GABRB1: variants seen among roughly 807,000 people sequenced by gnomAD.
The protein encoded by GABRB1 is gamma-aminobutyric acid receptor subunit beta-1.
Under a neutral mutation model 51.6 loss-of-function variants are expected in GABRB1, and 17 were observed. The observed-to-expected ratio is 0.33, with a 90% confidence interval of 0.23 to 0.49. The LOEUF (loss-of-function observed/expected upper bound fraction) is 0.49. GABRB1 is among the 20% of genes least tolerant of loss of function. The pLI is 0.99. For synonymous variants in GABRB1, 247 were observed against 218.9 expected (o/e 1.13, Z -1.14); for missense variants, 410 against 600.6 (o/e 0.68, Z 3.32).
At chr4:47,305,063 C>T (rs568111039) in intron 4 of GABRB1, among the ~76,000 whole-genome samples, 3 of 152,134 alleles carry the variant, frequency 2.0e-5, no homozygotes, top group East Asian at 1.9e-4. Context: ...TTTTGTACTT[C>T]GAGGCCCTAA....
At chr4:47,246,953 T>C (rs111270809) in intron 4 of GABRB1, among the ~76,000 whole-genome samples, 1,959 of 152,230 alleles carry the variant, frequency 0.013, 38 homozygotes, top group African/African-American at 0.045. Flanking sequence ...ATTGTGAAGA[T>C]TTTCTCCCAC....
intron 4 of GABRB1, among the ~76,000 whole-genome samples, chr4:47,252,874 T>A (rs942442385): frequency 8.5e-5 from 13 of 152,264 alleles, no homozygotes; most frequent in Admixed American, 5.9e-4. Flanking sequence ...TCTATTAAGA[T>A]AAAAATGAGA....
intron 4 of GABRB1, among the ~76,000 whole-genome samples, chr4:47,211,137 T>G (rs1300436578): frequency 1.3e-5 from 2 of 152,172 alleles, no homozygotes; most frequent in Non-Finnish European, 2.9e-5. Flanking sequence ...ACTTGCCTTT[T>G]TATATTTTTT....
intron 5 of GABRB1, among the ~76,000 whole-genome samples, chr4:47,339,140 T>A (rs1050663857): frequency 2.6e-5 from 4 of 151,978 alleles, no homozygotes; most frequent in African/African-American, 7.3e-5. Flanking sequence ...TATAAAATAA[T>A]CAAAACAGTA....
chr4:47,128,720 A>T (rs1577933978), intron 3 of GABRB1, among the ~76,000 whole-genome samples: 1 of 152,036 alleles, frequency 6.6e-6, no homozygotes, highest in Non-Finnish European at 1.5e-5. Context: ...AACATAACTA[A>T]AGGTGGGACA....
intron 3 of GABRB1, chr4:47,032,899 A>T (rs369230369): frequency 1.1e-5 from 4 of 367,830 alleles, no homozygotes; most frequent in South Asian, 6.0e-5. Context: ...GGCAATCCCC[A>T]TGGCCCTCGC....
rs143749971 is a variant in GABRB1 at position 47,037,024 on chromosome 4, A to G, written c.240+4540A>G. Among the ~76,000 whole-genome samples, 428 of 152,314 alleles carry G rather than the reference A, an allele frequency of 2.8e-3. 5 individuals are homozygous for G. The highest frequency in any genetic ancestry group is 9.6e-3 in the African/African-American group (398 of 41,578). ...TAATTGATGATGATGATGATAAGCA[A>G]CAGGATAAAGGCAGGAGCCTGGAGA... On this transcript the variant is annotated intron_variant, in intron 3 of 8. Coordinates refer to ENST00000295454, the MANE Select transcript of GABRB1 (RefSeq NM_000812.4).
In GABRB1 at chr4:47,320,045, A is replaced by G. The variant is rs539625072; in HGVS notation, c.462-82A>G. On this transcript the variant is annotated intron_variant, in intron 4 of 8. Transcript: ENST00000295454. ...ATGCCTTGTTTCTGCCAACTGGTAA[A>G]CATGATTTGGGGCTAGGAAGCCTGG... 75 of 951,502 alleles carry G rather than the reference A, an allele frequency of 7.9e-5. 1 individual carries two copies. The highest frequency in any genetic ancestry group is 6.6e-4 in the African/African-American group (41 of 62,482). 58.9% of individuals were successfully genotyped at this position (951,502 alleles called of 1,614,324 possible).
At chr4:47,339,574 G>T (rs1418573110) in intron 5 of GABRB1, among the ~76,000 whole-genome samples, 1 of 135,742 alleles carries the variant, frequency 7.4e-6, no homozygotes, top group Non-Finnish European at 1.6e-5. Context: ...TGTGTGTAAT[G>T]CTTTTATACA....
chr4:47,416,878 A>C (rs1728939163), intron 8 of GABRB1, among the ~76,000 whole-genome samples: 2 of 152,210 alleles, frequency 1.3e-5, no homozygotes, highest in Non-Finnish European at 2.9e-5. Flanking sequence ...AAAGAGGAAG[A>C]TCACTTAAGA....
chr4:47,176,003 T>C (rs1018470116), intron 4 of GABRB1, among the ~76,000 whole-genome samples: 1 of 152,196 alleles, frequency 6.6e-6, no homozygotes, highest in African/African-American at 2.4e-5. Context: ...GCATAACTTG[T>C]ACACAACTAA....
chr4:47,382,493 T>C (rs897656873), intron 5 of GABRB1, among the ~76,000 whole-genome samples: 9 of 152,352 alleles, frequency 5.9e-5, no homozygotes, highest in Admixed American at 6.5e-5. Flanking sequence ...AGAAGCACTC[T>C]GTAGCTATCA....
chr4:47,065,702 T>C (rs1354958142), intron 3 of GABRB1, among the ~76,000 whole-genome samples: 2 of 152,120 alleles, frequency 1.3e-5, no homozygotes, highest in African/African-American at 4.8e-5. Context: ...CTCCTGCAAA[T>C]TGAACAACTG....
intron 5 of GABRB1, among the ~76,000 whole-genome samples, chr4:47,398,593 G>A (rs1214122355): frequency 6.6e-6 from 1 of 152,070 alleles, no homozygotes; most frequent in African/African-American, 2.4e-5. Flanking sequence ...GAGAGAGACA[G>A]AGACAGAGAG....
chr4:47,403,068 C>A (rs1176804115), intron 5 of GABRB1, among the ~76,000 whole-genome samples: 1 of 152,160 alleles, frequency 6.6e-6, no homozygotes, highest in Admixed American at 6.5e-5. Context: ...AATAAATTTG[C>A]AGCAATGACA....
At chr4:47,263,994 C>T (rs1722552348) in intron 4 of GABRB1, among the ~76,000 whole-genome samples, 1 of 150,776 alleles carries the variant, frequency 6.6e-6, no homozygotes, top group Admixed American at 6.6e-5. Context: ...AAAAAAAAAT[C>T]AGCCAGGTGT....
chr4:47,250,643 A>G lies in GABRB1; in HGVS notation c.462-69484A>G, dbSNP rs974113959. Among the ~76,000 whole-genome samples, 8 of 152,146 alleles carry G rather than the reference A, an allele frequency of 5.3e-5. No individual in the cohort carries two copies. In the South Asian group the frequency reaches 6.2e-4, roughly 12 times the overall value. On this transcript the variant is annotated intron_variant, in intron 4 of 8. Coordinates refer to ENST00000295454, the MANE Select transcript of GABRB1 (RefSeq NM_000812.4). ...CCCAGACTTCTTGGAGGCTTTGTTC[A>G]TATTTTCTTATTCTTTTCTCTTTAT... is the stretch of plus-strand genomic sequence containing the variant.
intron 3 of GABRB1, among the ~76,000 whole-genome samples, chr4:47,114,735 G>A (rs1482871067): frequency 6.6e-6 from 1 of 152,130 alleles, no homozygotes; most frequent in South Asian, 2.1e-4. Flanking sequence ...TTTGAAACTT[G>A]TACTAGCTAC....
intron 3 of GABRB1, among the ~76,000 whole-genome samples, chr4:47,040,975 G>C (rs1560507395): frequency 6.6e-6 from 1 of 152,142 alleles, no homozygotes; most frequent in Non-Finnish European, 1.5e-5. Flanking sequence ...GGAAATAGAT[G>C]TGTGGGAAAC....
Sources: allele counts gnomAD v4.1 joint callset (sites outside exome capture counted in the v4.1 genomes callset), GRCh38; gene constraint gnomAD v4.1.1; transcripts MANE v1.5; gene names NCBI Gene and HGNC (gene_info 2026-07-23, HGNC 2026-07-21).